Variants in TMEM45A observed in about 807,000 individuals in gnomAD.
TMEM45A encodes DNA polymerase-transactivated protein 4.
A neutral mutation model predicts 32.0 loss-of-function variants in TMEM45A; 25 were observed. The ratio of observed to expected loss-of-function variants is 0.78; its 90% CI spans 0.57 to 1.09. The LOEUF is 1.09. TMEM45A is among the 50% of genes least tolerant of loss of function. The pLI, the probability that TMEM45A is intolerant of heterozygous loss-of-function variation, is 0.00. For synonymous variants in TMEM45A, 122 were observed against 114.8 expected (o/e 1.06, Z -0.40); for missense variants, 302 against 325.0 (o/e 0.93, Z 0.54).
intron 1 of TMEM45A, among the ~76,000 whole-genome samples, chr3:100,502,342 T>A (rs901502446): frequency 1.3e-5 from 2 of 152,120 alleles, no homozygotes; most frequent in African/African-American, 2.4e-5. Context: ...AAACCAGGCA[T>A]AATTCAGACT....
intron 1 of TMEM45A, among the ~76,000 whole-genome samples, chr3:100,514,186 G>A (rs1485896923): frequency 6.6e-6 from 1 of 152,062 alleles, no homozygotes; most frequent in Admixed American, 6.6e-5. Flanking sequence ...TAAGCCAAAA[G>A]AACAAAGCTG....
At chr3:100,568,993 A>G in intron 5 of TMEM45A, 26 bp downstream of exon 5, 15 of 1,601,244 alleles carry the variant, frequency 9.4e-6, no homozygotes, top group Non-Finnish European at 1.0e-5. Context: ...CTGTTAATGG[A>G]AGTTCTGTTC....
At chr3:100,572,826 C>T (rs1706595072) in intron 5 of TMEM45A, 1 of 149,390 alleles carries the variant, frequency 6.7e-6, no homozygotes, top group Admixed American at 6.6e-5. Context: ...TATGGCTAGC[C>T]AGTTTTCCCA....
chr3:100,509,898 G>A (rs1437035406), intron 1 of TMEM45A, among the ~76,000 whole-genome samples: 2 of 152,194 alleles, frequency 1.3e-5, no homozygotes, highest in South Asian at 2.1e-4. Context: ...CCCGAATACT[G>A]CGCTTTTCCA....
intron 4 of TMEM45A, among the ~76,000 whole-genome samples, chr3:100,559,338 A>C (rs1417807809): frequency 6.6e-6 from 1 of 152,218 alleles, no homozygotes; most frequent in South Asian, 2.1e-4. Context: ...CAGAGAACAC[A>C]GATTTGGGAT....
At chr3:100,534,546 G>A (rs1438937784) in intron 1 of TMEM45A, among the ~76,000 whole-genome samples, 1 of 152,178 alleles carries the variant, frequency 6.6e-6, no homozygotes, top group Non-Finnish European at 1.5e-5. Context: ...AAAAGGCAAG[G>A]AAAGGGATTC....
At chr3:100,542,493 A>G (rs74992175) in intron 1 of TMEM45A, among the ~76,000 whole-genome samples, 15,752 of 152,224 alleles carry the variant, frequency 0.1, 2,730 homozygotes, top group African/African-American at 0.36. Context: ...GCAGAGCAAA[A>G]TAAACTATCA....
intron 4 of TMEM45A, among the ~76,000 whole-genome samples, chr3:100,564,022 G>A (rs1045419561): frequency 1.6e-4 from 24 of 152,184 alleles, no homozygotes; most frequent in African/African-American, 5.3e-4. Context: ...GAGGCACAGC[G>A]GCAGTGATGC....
chr3:100,576,443 C>T (rs1706687208), intron 5 of TMEM45A, among the ~76,000 whole-genome samples: 1 of 151,744 alleles, frequency 6.6e-6, no homozygotes, highest in Non-Finnish European at 1.5e-5. Flanking sequence ...GATGACACAG[C>T]AAAACTCCGT....
At chr3:100,545,483 A>G (rs1705964352) in intron 1 of TMEM45A, among the ~76,000 whole-genome samples, 1 of 152,202 alleles carries the variant, frequency 6.6e-6, no homozygotes, top group African/African-American at 2.4e-5. Flanking sequence ...TACCCCAGTG[A>G]CTACAATGTC....
chr3:100,525,263 T>G (rs1178756217), intron 1 of TMEM45A, among the ~76,000 whole-genome samples: 1 of 152,190 alleles, frequency 6.6e-6, no homozygotes, highest in Non-Finnish European at 1.5e-5. Context: ...GAGCACATAT[T>G]TAAATGACAA....
chr3:100,575,898 TTA>T (rs1706675517), intron 5 of TMEM45A, among the ~76,000 whole-genome samples: 1 of 152,216 alleles, frequency 6.6e-6, no homozygotes. Flanking sequence ...TGCACTTCCT[TTA>T]TATGATATAG....
intron 1 of TMEM45A, among the ~76,000 whole-genome samples, chr3:100,547,505 A>T (rs1297892847): frequency 2.0e-5 from 3 of 152,128 alleles, no homozygotes; most frequent in Admixed American, 2.0e-4. Flanking sequence ...TATATTTACT[A>T]TTCATTAAGT....
At chr3:100,518,029 C>T (rs539241341) in intron 1 of TMEM45A, among the ~76,000 whole-genome samples, 6 of 152,136 alleles carry the variant, frequency 3.9e-5, no homozygotes, top group East Asian at 1.9e-4. Flanking sequence ...TTTGATTGGG[C>T]GTGGTTATGG....
intron 1 of TMEM45A, among the ~76,000 whole-genome samples, chr3:100,500,269 C>T (rs1200667586): frequency 3.3e-5 from 5 of 152,210 alleles, no homozygotes; most frequent in Admixed American, 1.3e-4. Flanking sequence ...AAAGTCTCAG[C>T]GGTATCAAAT....
At chr3:100,537,661 C>T (rs1272278555) in intron 1 of TMEM45A, among the ~76,000 whole-genome samples, 1 of 152,184 alleles carries the variant, frequency 6.6e-6, no homozygotes, top group Non-Finnish European at 1.5e-5. Flanking sequence ...AAAGAAGAGG[C>T]AAAGAAGGCG....
At chr3:100,498,197 G>A (rs1707958760) in intron 1 of TMEM45A, among the ~76,000 whole-genome samples, 1 of 152,152 alleles carries the variant, frequency 6.6e-6, no homozygotes, top group Non-Finnish European at 1.5e-5. Context: ...ATGATTGTAA[G>A]TTTCCTAAGC....
chr3:100,564,499 A>C (rs1363578473), intron 4 of TMEM45A, among the ~76,000 whole-genome samples: 4 of 150,594 alleles, frequency 2.7e-5, no homozygotes, highest in Non-Finnish European at 5.9e-5. Flanking sequence ...CCTTTGAGAC[A>C]GAGTCTCACT....
At chr3:100,508,580 C>T (rs1328907435) in intron 1 of TMEM45A, among the ~76,000 whole-genome samples, 2 of 152,066 alleles carry the variant, frequency 1.3e-5, no homozygotes, top group African/African-American at 4.8e-5. Context: ...CTATAGTAAG[C>T]AAAACAACAT....
Sources: allele counts gnomAD v4.1 joint callset (sites outside exome capture counted in the v4.1 genomes callset), GRCh38; gene constraint gnomAD v4.1.1; transcripts MANE v1.5; gene names NCBI Gene and HGNC (gene_info 2026-07-23, HGNC 2026-07-21).